Variants in CUBN observed in about 807,000 individuals in gnomAD.
CUBN encodes the protein cubilin, also known as 460 kDa receptor.
A neutral mutation model predicts 405.3 loss-of-function variants in CUBN; 282 were observed. The ratio of observed to expected loss-of-function variants is 0.70; its 90% CI spans 0.63 to 0.77. CUBN has a LOEUF of 0.77. Among genes scored for constraint, CUBN ranks in the 30% least tolerant of loss-of-function variants. The pLI is 0.00. For missense variants in CUBN, 4,514 were observed against 4,475.2 expected (o/e 1.01, Z -0.25); for synonymous variants, 1,684 against 1,617.0 (o/e 1.04, Z -0.99).
intron 28 of CUBN, among the ~76,000 whole-genome samples, chr10:17,013,832 T>G (rs1017153539): frequency 1.3e-5 from 2 of 152,216 alleles, no homozygotes; most frequent in African/African-American, 4.8e-5. Flanking sequence ...ACAACCTGCC[T>G]TTTGTATCCC....
At chr10:16,926,652 A>C (rs1473340796) in intron 41 of CUBN, among the ~76,000 whole-genome samples, 3 of 152,156 alleles carry the variant, frequency 2.0e-5, no homozygotes, top group Non-Finnish European at 4.4e-5. Context: ...AGTGTGAGAC[A>C]AACAGAAAAG....
At chr10:16,992,874 A>T (rs192956837) in intron 28 of CUBN, among the ~76,000 whole-genome samples, 61 of 152,346 alleles carry the variant, frequency 4.0e-4, no homozygotes, top group Non-Finnish European at 6.9e-4. Context: ...ATCTTAAAAA[A>T]ACACAAGTAC....
intron 27 of CUBN, among the ~76,000 whole-genome samples, chr10:17,036,475 G>C (rs1229350890): frequency 6.6e-6 from 1 of 152,096 alleles, no homozygotes; most frequent in East Asian, 1.9e-4. Context: ...CCTGTGTGTG[G>C]GGAGGTGTGA....
intron 41 of CUBN, among the ~76,000 whole-genome samples, chr10:16,926,234 C>T (rs1239522920): frequency 6.6e-6 from 1 of 152,132 alleles, no homozygotes; most frequent in African/African-American, 2.4e-5. Flanking sequence ...GGGGAGAAAA[C>T]ATTCCAGTTC....
intron 33 of CUBN, 101 bp downstream of exon 33, chr10:16,952,175 A>G (rs1326443831): frequency 3.7e-6 from 3 of 820,880 alleles, no homozygotes; most frequent in Non-Finnish European, 6.4e-6. Context: ...GAGGAAGGCC[A>G]TCGATTGTTA....
chr10:16,921,442 C>G (rs1264864719), intron 43 of CUBN, among the ~76,000 whole-genome samples: 1 of 152,098 alleles, frequency 6.6e-6, no homozygotes, highest in Non-Finnish European at 1.5e-5. Flanking sequence ...GTCTGTCTGT[C>G]TCTCTCCTTC....
In CUBN at chr10:17,065,226, C is replaced by T. The variant is rs78244444; in HGVS notation, c.3139+282G>A. Among the ~76,000 whole-genome samples, 463 of 149,520 alleles carry T rather than the reference C, an allele frequency of 3.1e-3. 5 individuals carry two copies. The highest frequency in any genetic ancestry group is 4.5e-3 in the Non-Finnish European group (305 of 67,630). ...CTTTGGAGACATTATATTTCTTTAC[C>T]GTCTGAAAACTTCAGTGTATTGTTC... On this transcript the variant is annotated intron_variant, in intron 22 of 66. Coordinates refer to ENST00000377833, the MANE Select transcript of CUBN (RefSeq NM_001081.4).
chr10:17,079,641 A>C (rs1248891803), intron 17 of CUBN, among the ~76,000 whole-genome samples: 1 of 152,178 alleles, frequency 6.6e-6, no homozygotes, highest in Non-Finnish European at 1.5e-5. Context: ...TACTTAACTG[A>C]AAAACACAAT....
At chr10:17,116,980 A>G (rs2131315989) in intron 6 of CUBN, among the ~76,000 whole-genome samples, 1 of 152,348 alleles carries the variant, frequency 6.6e-6, no homozygotes, top group South Asian at 2.1e-4. Flanking sequence ...TTACGACATC[A>G]GTATATATTT....
At chr10:16,969,856 G>T (rs74116783) in intron 31 of CUBN, among the ~76,000 whole-genome samples, 2,814 of 152,246 alleles carry the variant, frequency 0.018, 84 homozygotes, top group African/African-American at 0.064. Context: ...CAGAGATCAT[G>T]TGAAGCCTGG....
At chr10:17,020,475 T>C (rs1834462559) in intron 27 of CUBN, among the ~76,000 whole-genome samples, 1 of 152,150 alleles carries the variant, frequency 6.6e-6, no homozygotes, top group Non-Finnish European at 1.5e-5. Flanking sequence ...GGGGTAGCCA[T>C]CCCTTCAAGA....
chr10:17,019,096 T>A (rs1834423991), intron 28 of CUBN, among the ~76,000 whole-genome samples: 1 of 152,112 alleles, frequency 6.6e-6, no homozygotes. Context: ...TTCTAACAGG[T>A]TCCAGGTAAT....
In CUBN at chr10:16,900,679, CT is replaced by C. The variant is rs745987406; in HGVS notation, c.8355del (p.Asp2786ThrfsTer18). 6 of 1,614,198 alleles carry C rather than the reference CT, an allele frequency of 3.7e-6. No homozygotes were observed. The highest frequency in any genetic ancestry group is 5.1e-6 in the Non-Finnish European group (6 of 1,180,016). On this transcript the variant is annotated frameshift_variant, in exon 53 of 67. Coordinates refer to ENST00000377833, the MANE Select transcript of CUBN (RefSeq NM_001081.4). LOFTEE classifies it high-confidence loss of function. ...GSNQLVVTFN[S>X]DHSLQGGGFY... ...AATCCACCACCTTGCAATGAATGGT[CT>C]GAGTTAAAAGTCACGACCAGCTGAT...
intron 22 of CUBN, among the ~76,000 whole-genome samples, chr10:17,060,685 T>C (rs545183757): frequency 1.3e-5 from 2 of 152,286 alleles, no homozygotes; most frequent in South Asian, 2.1e-4. Context: ...AATATCTGAA[T>C]CTCTCATAGC....
intron 28 of CUBN, among the ~76,000 whole-genome samples, chr10:17,004,015 C>T (rs895218030): frequency 1.3e-5 from 2 of 152,186 alleles, no homozygotes; most frequent in East Asian, 1.9e-4. Context: ...AGGAGGTCTA[C>T]GAAGCCTCAT....
chr10:17,083,323 T>C (rs1836013391), intron 17 of CUBN, among the ~76,000 whole-genome samples: 1 of 152,008 alleles, frequency 6.6e-6, no homozygotes, highest in African/African-American at 2.4e-5. Context: ...CTGCCCATCA[T>C]GGAGAAATCT....
chr10:17,128,654 C>T (rs1238536374), intron 2 of CUBN, among the ~76,000 whole-genome samples: 4 of 152,194 alleles, frequency 2.6e-5, no homozygotes, highest in African/African-American at 4.8e-5. Flanking sequence ...TTTTAGCATA[C>T]TCCCTCTACC....
At chr10:17,097,699 C>A (rs1433833783) in intron 14 of CUBN, among the ~76,000 whole-genome samples, 1 of 152,046 alleles carries the variant, frequency 6.6e-6, no homozygotes, top group African/African-American at 2.4e-5. Flanking sequence ...TTGATGAATG[C>A]AAAGTTGATT....
At chr10:17,030,075 T>C (rs1382397177) in intron 27 of CUBN, among the ~76,000 whole-genome samples, 1 of 152,216 alleles carries the variant, frequency 6.6e-6, no homozygotes, top group Non-Finnish European at 1.5e-5. Flanking sequence ...TGCGTGCTCC[T>C]TATGAGAATC....
Sources: gnomAD v4.1 joint callset for allele counts (sites outside exome capture counted in the v4.1 genomes callset) on GRCh38, gnomAD v4.1.1 for gene constraint, MANE v1.5 for transcripts, NCBI Gene and HGNC (gene_info 2026-07-23, HGNC 2026-07-21) for gene names.